Variants in KIF1B observed in about 807,000 individuals in gnomAD.
KIF1B encodes kinesin-like protein KIF1B.
KIF1B carries 76 observed loss-of-function variants against 241.9 expected under a neutral mutation model. The observed-to-expected ratio is 0.31, with a 90% confidence interval of 0.26 to 0.38. The LOEUF is 0.38. Among genes scored for constraint, KIF1B ranks in the 10% least tolerant of loss-of-function variants. The pLI, the probability that KIF1B is intolerant of heterozygous loss-of-function variation, is 1.00. For missense variants in KIF1B, 1,622 were observed against 2,271.4 expected (o/e 0.71, Z 5.81); for synonymous variants, 750 against 796.7 (o/e 0.94, Z 0.99).
rs1188168395 is a variant in KIF1B at position 10,303,506 on chromosome 1, A to G, written c.2115+6260A>G. 1.9e-6 allele frequency: 3 copies of G among 1,614,188 alleles called. No individual in the cohort carries two copies. The highest frequency in any genetic ancestry group is 1.1e-5 in the South Asian group (1 of 91,082). ...AAGATGAAGGAGCTTTGTGCCATGT[A>G]TGGCAAGAAAGACCCCAATGAGCGG... is the stretch of plus-strand genomic sequence containing the variant. On this transcript the variant is annotated intron_variant, in intron 22 of 48. Transcript: ENST00000676179. The surrounding 1 kb of genome is among the most constrained non-coding windows in gnomAD (Gnocchi z 5.2).
chr1:10,363,234 GT>G, intron 40 of KIF1B, 48 bp from the exon 41 acceptor site: 1 of 1,441,774 alleles, frequency 6.9e-7, no homozygotes, highest in Non-Finnish European at 9.8e-7. Flanking sequence ...AAATTTTCCT[GT>G]TTTTGTGCTT....
At chr1:10,308,310 G>A in intron 22 of KIF1B, 1 of 1,057,596 alleles carries the variant, frequency 9.5e-7, no homozygotes, top group Non-Finnish European at 1.1e-6. Flanking sequence ...TAATTGTCCA[G>A]TTTATGTCAT....
intron 1 of KIF1B, among the ~76,000 whole-genome samples, chr1:10,227,484 G>A (rs1646925161): frequency 6.6e-6 from 1 of 152,122 alleles, no homozygotes; most frequent in South Asian, 2.1e-4. Context: ...CTCCCTATAT[G>A]TCTTCTAAAC....
In KIF1B at chr1:10,294,949, G is replaced by T. The variant is rs972719260; in HGVS notation, c.1591-137G>T. 5.6e-6 allele frequency: 4 copies of T among 711,478 alleles called. No individual in the cohort carries two copies. The African/African-American group carries it at 7.1e-5, about 13-fold the overall frequency. The allele number at this position is 711,478 out of a possible 1,614,324, so 44.1% of individuals were successfully genotyped here. On this transcript the variant is annotated intron_variant, in intron 17 of 48. Coordinates refer to ENST00000676179, the MANE Select transcript of KIF1B (RefSeq NM_001365951.3). ...AGTGTTTTCTCTTTATTATGGAACC[G>T]CAACTAGGGATAAAAAGAAATCCCT...
intron 15 of KIF1B, among the ~76,000 whole-genome samples, chr1:10,289,483 A>G (rs1275881946): frequency 2.0e-5 from 3 of 152,068 alleles, no homozygotes; most frequent in Non-Finnish European, 4.4e-5. Context: ...CTCACTTTAG[A>G]TTGCTCCCTC....
At chr1:10,332,977 G>A (rs144806332) in intron 27 of KIF1B, among the ~76,000 whole-genome samples, 2,976 of 150,594 alleles carry the variant, frequency 0.02, 44 homozygotes, top group Non-Finnish European at 0.029. Flanking sequence ...ATGCCCGGCT[G>A]ATTTTTATAT....
rs765503412 is a variant in KIF1B at position 10,258,522 on chromosome 1, C to A, written c.213C>A (p.Asn71Lys). 6.2e-7 allele frequency: 1 copy of A among 1,614,036 alleles called. No homozygotes were observed. The highest frequency in any genetic ancestry group is 1.1e-5 in the South Asian group (1 of 91,070). The change falls in exon 4 of 49, where the codon AAC (asparagine) becomes AAA (lysine). Residue 71 changes from asparagine (N) to lysine (K), a missense_variant. By Grantham distance (94) the Asn-to-Lys change is moderately conservative. This residue lies in a region of KIF1B where 156 missense variants were observed against 244.8 expected (regional missense o/e 0.64). Transcript: ENST00000676179. ...AAGATCCCTGTTTTGCATCTCAAAA[C>A]CGTGTGTACAATGACATTGGCAAGG... ...SPEDPCFASQ[N>K]RVYNDIGKEM... is the part of the protein sequence containing the mutation.
chr1:10,323,925 C>G lies in KIF1B; in HGVS notation c.2400C>G (p.Ser800=). The change falls in exon 25 of 49, where the codon TCC becomes TCG. Residue 800 remains serine (S), a synonymous_variant. Coordinates refer to ENST00000676179, the MANE Select transcript of KIF1B (RefSeq NM_001365951.3). The part of the protein sequence containing the change: ...QFVLLTDTLY[S]PLPPELLPTE... ...TTCTGCTGACTGACACACTGTACTC[C>G]CCTTTGCCTCCTGAATTACTTCCCA... 6.2e-7 allele frequency: 1 copy of G among 1,614,068 alleles called. No homozygotes were observed. The highest frequency in any genetic ancestry group is 8.5e-7 in the Non-Finnish European group (1 of 1,179,958).
intron 34 of KIF1B, among the ~76,000 whole-genome samples, chr1:10,345,222 A>T: frequency 6.6e-6 from 1 of 152,226 alleles, no homozygotes; most frequent in East Asian, 1.9e-4. Flanking sequence ...TCATTTACAG[A>T]ATCCTGTATT....
At chr1:10,361,656 C>G (rs750683369) in intron 39 of KIF1B, 36 bp from the exon 40 acceptor site, 2 of 1,612,026 alleles carry the variant, frequency 1.2e-6, no homozygotes, top group Admixed American at 3.3e-5. Flanking sequence ...AGTACTCTGC[C>G]TGCACTTCAT....
chr1:10,236,002 G>A (rs1191359161), intron 2 of KIF1B, among the ~76,000 whole-genome samples: 1 of 152,030 alleles, frequency 6.6e-6, no homozygotes, highest in Non-Finnish European at 1.5e-5. Flanking sequence ...GCCGGGCACG[G>A]TGGCTCAAGC....
chr1:10,322,769 G>T (rs1393721484), intron 24 of KIF1B, among the ~76,000 whole-genome samples: 1 of 152,010 alleles, frequency 6.6e-6, no homozygotes, highest in Non-Finnish European at 1.5e-5. Context: ...CTAAATAAAG[G>T]CAGTAACTGT....
chr1:10,359,193 A>G (rs1382667190), intron 38 of KIF1B, among the ~76,000 whole-genome samples: 1 of 152,196 alleles, frequency 6.6e-6, no homozygotes, highest in African/African-American at 2.4e-5. Flanking sequence ...TAGAGGGAGG[A>G]TATGCCAGCT....
intron 27 of KIF1B, among the ~76,000 whole-genome samples, chr1:10,327,496 C>A (rs1374358764): frequency 2.8e-5 from 4 of 142,564 alleles, no homozygotes; most frequent in African/African-American, 1.1e-4. Flanking sequence ...AGCGAAACTC[C>A]GTCTCAAAAA....
chr1:10,235,244 A>G (rs1287785482), intron 2 of KIF1B, among the ~76,000 whole-genome samples: 1 of 151,958 alleles, frequency 6.6e-6, no homozygotes, highest in Non-Finnish European at 1.5e-5. Flanking sequence ...ACCGTAACAA[A>G]GGATTATTAT....
intron 2 of KIF1B, among the ~76,000 whole-genome samples, chr1:10,240,996 A>C (rs1250952719): frequency 6.6e-6 from 1 of 152,058 alleles, no homozygotes; most frequent in Non-Finnish European, 1.5e-5. Flanking sequence ...TCATTTATTG[A>C]GTGGAAATAT....
intron 5 of KIF1B, 115 bp from the exon 6 acceptor site, chr1:10,267,265 T>C (rs996749503): frequency 2.1e-5 from 17 of 798,706 alleles, no homozygotes; most frequent in Non-Finnish European, 3.7e-5. Flanking sequence ...TGATCTCAAG[T>C]GATCCGCCCT....
chr1:10,214,527 A>C (rs1240066606), intron 1 of KIF1B, among the ~76,000 whole-genome samples: 1 of 148,706 alleles, frequency 6.7e-6, no homozygotes, highest in Non-Finnish European at 1.5e-5. Flanking sequence ...TGACCTTCTG[A>C]TCCGCCTGCC....
At chr1:10,244,615 CTTT>C (rs773950544) in intron 2 of KIF1B, among the ~76,000 whole-genome samples, 4 of 103,808 alleles carry the variant, frequency 3.9e-5, no homozygotes, top group Admixed American at 1.0e-4. Flanking sequence ...CCCGGCCCTC[CTTT>C]TTTTTTTTTT....
Sources: gnomAD v4.1 joint callset for allele counts (sites outside exome capture counted in the v4.1 genomes callset) on GRCh38, gnomAD v4.1.1 for gene constraint, gnomAD v4.1.1 regional missense constraint, Gnocchi (gnomAD v3.1) non-coding constraint, MANE v1.5 for transcripts, NCBI Gene and HGNC (gene_info 2026-07-23, HGNC 2026-07-21) for gene names.